CEACAM16: variants seen among roughly 807,000 people sequenced by gnomAD.
The protein encoded by CEACAM16 is cell adhesion molecule CEACAM16.
CEACAM16 carries 30 observed loss-of-function variants against 39.4 expected under a neutral mutation model. The observed-to-expected ratio is 0.76, with a 90% CI of 0.57 to 1.03. The LOEUF is 1.03. Ranked by LOEUF, CEACAM16 falls within the 50% of genes least tolerant of loss-of-function variation. The pLI is 0.00. For missense variants in CEACAM16, 521 were observed against 585.3 expected, an observed-to-expected ratio of 0.89 and a Z score of 1.13; for synonymous variants, 262 against 264.9, an observed-to-expected ratio of 0.99 and a Z score of 0.11.
In CEACAM16 at chr19:44,703,452, A is replaced by G. The variant is rs769892385; in HGVS notation, c.141A>G (p.Glu47=). The change falls in exon 3 of 7, where the codon GAA becomes GAG. Residue 47 remains glutamate, a synonymous_variant. Coordinates refer to ENST00000587331, the MANE Select transcript of CEACAM16 (RefSeq NM_001039213.4). ...TGGTCGTCCATGGGCTTTCGGGGGA[A>G]CTGCTCGCCTACAGCTGGTATGCGG... ...VTLVVHGLSG[E]LLAYSWYAGP... The G allele has an allele frequency of 3.1e-6, 5 of 1,613,636 alleles. No homozygotes were observed. In the African/African-American group the frequency reaches 4.0e-5, roughly 13 times the overall value.
At chr19:44,700,426 C>T (rs536360559) in intron 1 of CEACAM16, among the ~76,000 whole-genome samples, 80 of 152,218 alleles carry the variant, frequency 5.3e-4, no homozygotes, top group Non-Finnish European at 9.9e-4. Flanking sequence ...GCACCTGCCA[C>T]CACGCCTGGC....
At chr19:44,705,516 G>C in intron 4 of CEACAM16, 74 bp from the exon 5 acceptor site, 1 of 1,477,336 alleles carries the variant, frequency 6.8e-7, no homozygotes, top group Non-Finnish European at 9.1e-7. Flanking sequence ...GCTTGGTGGA[G>C]AGAAAACCAG....
In CEACAM16 at chr19:44,703,539, T is replaced by G. The variant is rs1974385839; in HGVS notation, c.228T>G (p.Thr76=). Residue 76 remains threonine, a synonymous_variant, in exon 3 of 7, where the codon ACT becomes ACG. Coordinates refer to ENST00000587331, the MANE Select transcript of CEACAM16 (RefSeq NM_001039213.4). ...ASYIVSTGDE[T]PGPAHTGREA... Reference sequence around the variant, plus strand: ...ACATCGTGAGCACAGGCGATGAGACTCCTGGCCCGGCCCACACGGGGCGGG... The same window carrying G: ...ACATCGTGAGCACAGGCGATGAGACGCCTGGCCCGGCCCACACGGGGCGGG... The G allele has an allele frequency of 6.8e-6, 11 of 1,613,438 alleles. No homozygotes were observed. The highest frequency in any genetic ancestry group is 9.3e-6 in the Non-Finnish European group (11 of 1,179,822).
chr19:44,702,786 G>A (rs140381748), intron 2 of CEACAM16, among the ~76,000 whole-genome samples: 39 of 152,368 alleles, frequency 2.6e-4, no homozygotes, highest in African/African-American at 7.7e-4. Context: ...GCCGGATCTC[G>A]CGAGACTTAG....
chr19:44,699,860 C>T (rs547714160), intron 1 of CEACAM16, among the ~76,000 whole-genome samples: 43 of 152,292 alleles, frequency 2.8e-4, no homozygotes, highest in African/African-American at 9.1e-4. Context: ...GAGTCTTGCT[C>T]TGTCACCCAG....
chr19:44,710,622 T>C lies in CEACAM16; in HGVS notation c.*116T>C, dbSNP rs779834338. 95 of 1,440,444 alleles carry C rather than the reference T, an allele frequency of 6.6e-5. No homozygotes were observed. Among genetic ancestry groups the C allele is most frequent in the Non-Finnish European group, 9.1e-5 (93 of 1,026,946 alleles). 89.2% of individuals were successfully genotyped at this position (1,440,444 alleles called of 1,614,324 possible). A position where few individuals can be genotyped will look rare whatever the true frequency, so the allele number is the denominator to read the frequency against. On this transcript the variant is annotated 3_prime_UTR_variant, in exon 7 of 7. Coordinates refer to ENST00000587331, the MANE Select transcript of CEACAM16 (RefSeq NM_001039213.4). ...AGGATGCCAGGCTGTGGTCCTGCTG[T>C]TCTCCTGCCTCCACCCTAGAGCTAG...
intron 6 of CEACAM16, among the ~76,000 whole-genome samples, chr19:44,708,787 C>A (rs1465456432): frequency 6.6e-6 from 1 of 152,208 alleles, no homozygotes; most frequent in African/African-American, 2.4e-5. Context: ...AGGATGGAGG[C>A]CTGTAGGTGT....
chr19:44,710,417 A>T (rs888974890), intron 6 of CEACAM16, 79 bp from the exon 7 acceptor site: 10 of 1,525,236 alleles, frequency 6.6e-6, no homozygotes, highest in Middle Eastern at 3.5e-4. Context: ...AGGGGAGCAG[A>T]AGGGGTGGGG....
At chr19:44,702,730 C>T (rs1974367990) in intron 2 of CEACAM16, among the ~76,000 whole-genome samples, 1 of 152,272 alleles carries the variant, frequency 6.6e-6, no homozygotes, top group African/African-American at 2.4e-5. Flanking sequence ...GGGGCAGGCC[C>T]TGACATCCTA....
chr19:44,706,966 T>C (rs1200324750), intron 5 of CEACAM16, among the ~76,000 whole-genome samples: 2 of 152,084 alleles, frequency 1.3e-5, no homozygotes, highest in African/African-American at 2.4e-5. Context: ...CAGGGAAACA[T>C]GGCTCCTTTA....
intron 3 of CEACAM16, 66 bp from the exon 4 acceptor site, chr19:44,703,952 G>A (rs1974395571): frequency 3.4e-6 from 5 of 1,484,122 alleles, no homozygotes; most frequent in Non-Finnish European, 4.5e-6. Context: ...CCCTTGTTGG[G>A]GGAAGGGAAG....
intron 4 of CEACAM16, among the ~76,000 whole-genome samples, chr19:44,705,035 C>T (rs985697490): frequency 1.3e-5 from 2 of 152,120 alleles, no homozygotes; most frequent in African/African-American, 4.8e-5. Context: ...CATGAGGACC[C>T]ATGATGTAGA....
At position 44,704,160 on chromosome 19, in the gene CEACAM16, C is replaced by A; in HGVS notation, c.525C>A (p.Leu175=). The part of the protein sequence containing the change: ...FFNGGALPVA[L]RLGLSPDGRV... ...ACGGTGGGGCCCTGCCCGTCGCTCTCCGCCTGGGCCTGTCCCCTGACGGCC... is the reference window on the plus strand; with the variant it reads ...ACGGTGGGGCCCTGCCCGTCGCTCTACGCCTGGGCCTGTCCCCTGACGGCC... The change falls in exon 4 of 7, where the codon CTC becomes CTA. Residue 175 remains leucine (L), a synonymous_variant. Transcript: ENST00000587331. The A allele has an allele frequency of 6.3e-7, 1 of 1,586,666 alleles. No individual in the cohort carries two copies. The highest frequency in any genetic ancestry group is 8.6e-7 in the Non-Finnish European group (1 of 1,167,420).
chr19:44,703,379 C>T lies in CEACAM16; in HGVS notation c.68C>T (p.Ser23Phe), dbSNP rs748741919. Residue 23 changes from serine (S) to phenylalanine (F), a missense_variant, in exon 3 of 7, where the codon TCT becomes TTT. By Grantham distance (155) the Ser-to-Phe change is radical. Coordinates refer to ENST00000587331, the MANE Select transcript of CEACAM16 (RefSeq NM_001039213.4). ...TTCCTGAATGTGGGGGCCGAGATCTCTATCACCCTGGAGCCTGCCCAGCCG... is the reference window on the plus strand; with the variant it reads ...TTCCTGAATGTGGGGGCCGAGATCTTTATCACCCTGGAGCCTGCCCAGCCG... ...ATFLNVGAEI[S>F]ITLEPAQPSE... 1.9e-6 allele frequency: 3 copies of T among 1,613,108 alleles called. No homozygotes were observed. Among genetic ancestry groups the T allele is most frequent in the Non-Finnish European group, 2.5e-6 (3 of 1,179,418 alleles).
In CEACAM16 at chr19:44,703,622, G is replaced by C; in HGVS notation, c.311G>C (p.Gly104Ala). 6.2e-7 allele frequency: 1 copy of C among 1,608,306 alleles called. No individual in the cohort carries two copies. Residue 104 changes from glycine (G) to alanine (A), a missense_variant, in exon 3 of 7, where the codon GGC becomes GCC. Coordinates refer to ENST00000587331, the MANE Select transcript of CEACAM16 (RefSeq NM_001039213.4). ...CAGGGCATCCTGCCCCGGCACTCAG[G>C]CACCTACATCCTGCAGACCTTCAAC... ...DIQGILPRHSGTYILQTFNRQ... is the reference protein window; with the variant it reads ...DIQGILPRHSATYILQTFNRQ...
rs773120201 is a variant in CEACAM16 at position 44,703,458 on chromosome 19, C to T, written c.147C>T (p.Leu49=). 7.4e-6 allele frequency: 12 copies of T among 1,613,852 alleles called. No individual in the cohort carries two copies. Among genetic ancestry groups the T allele is most frequent in the East Asian group, 2.2e-5 (1 of 44,882 alleles). Reference sequence around the variant, plus strand: ...TCCATGGGCTTTCGGGGGAACTGCTCGCCTACAGCTGGTATGCGGGGCCCA... The same window carrying T: ...TCCATGGGCTTTCGGGGGAACTGCTTGCCTACAGCTGGTATGCGGGGCCCA... The part of the protein sequence containing the change: ...LVVHGLSGEL[L]AYSWYAGPTL... Residue 49 remains leucine (L), a synonymous_variant, in exon 3 of 7, where the codon CTC becomes CTT. Coordinates refer to ENST00000587331, the MANE Select transcript of CEACAM16 (RefSeq NM_001039213.4).
Position 44,703,706 on chromosome 19 carries a change from C to T in CEACAM16, c.382+13C>T, listed in dbSNP as rs780133665. The stretch of plus-strand genomic sequence containing the variant: ...GTGCAGGTCCATGGTGAGACACCCC[C>T]CAACACCCGCCTCTGCCCCAGCTGG... On this transcript the variant is annotated intron_variant, in intron 3 of 6. Coordinates refer to ENST00000587331, the MANE Select transcript of CEACAM16 (RefSeq NM_001039213.4). 3.4e-6 allele frequency: 5 copies of T among 1,476,066 alleles called. No individual in the cohort carries two copies. The African/African-American group carries it at 7.0e-5, about 21-fold the overall frequency. 91.4% of individuals were successfully genotyped at this position (1,476,066 alleles called of 1,614,324 possible). A position where few individuals can be genotyped will look rare whatever the true frequency, so the allele number is the denominator to read the frequency against.
At chr19:44,699,631 C>T (rs1203964546) in intron 1 of CEACAM16, among the ~76,000 whole-genome samples, 1 of 152,124 alleles carries the variant, frequency 6.6e-6, no homozygotes, top group Non-Finnish European at 1.5e-5. Flanking sequence ...CCCACCTCGG[C>T]CTCCCAAAGT....
chr19:44,706,181 C>T (rs1203465148), intron 5 of CEACAM16, among the ~76,000 whole-genome samples: 4 of 151,840 alleles, frequency 2.6e-5, no homozygotes, highest in Non-Finnish European at 5.9e-5. Flanking sequence ...GGCCTTGACC[C>T]TCTACCCGCC....
Sources: gnomAD v4.1 joint callset for allele counts (sites outside exome capture counted in the v4.1 genomes callset) on GRCh38, gnomAD v4.1.1 for gene constraint, MANE v1.5 for transcripts, NCBI Gene and HGNC (gene_info 2026-07-23, HGNC 2026-07-21) for gene names.